The following LIMCH1 variants were observed in gnomAD, a reference collection of about 807,000 sequenced individuals.
LIMCH1 encodes the protein LIM and calponin homology domains-containing protein 1.
In LIMCH1, 113 loss-of-function variants were observed where a neutral mutation model predicts 176.5. That is an observed-to-expected ratio of 0.64 (90% CI 0.55 to 0.75). LIMCH1 has a LOEUF of 0.75. Among genes scored for constraint, LIMCH1 ranks in the 30% least tolerant of loss-of-function variants. LIMCH1 has a pLI of 0.00. For synonymous variants in LIMCH1, 619 were observed against 645.9 expected, an observed-to-expected ratio of 0.96 and a Z score of 0.63; for missense variants, 1,674 against 1,814.9, an observed-to-expected ratio of 0.92 and a Z score of 1.41.
chr4:41,492,399 A>G (rs886755615), intron 1 of LIMCH1, among the ~76,000 whole-genome samples: 26 of 148,116 alleles, frequency 1.8e-4, no homozygotes, highest in Admixed American at 1.7e-3. Flanking sequence ...AGACCGTAGA[A>G]AGAGGGAGAG....
At chr4:41,636,172 A>G (rs946776181) in intron 13 of LIMCH1, among the ~76,000 whole-genome samples, 5 of 151,132 alleles carry the variant, frequency 3.3e-5, no homozygotes, top group Non-Finnish European at 7.4e-5. Context: ...CAGCCTCCCA[A>G]GTGTTGGGAT....
At chr4:41,552,221 G>A (rs2080548175) in intron 1 of LIMCH1, among the ~76,000 whole-genome samples, 1 of 152,114 alleles carries the variant, frequency 6.6e-6, no homozygotes, top group Admixed American at 6.6e-5. Context: ...GGGATTGTGG[G>A]AGCTACAATT....
intron 1 of LIMCH1, among the ~76,000 whole-genome samples, chr4:41,596,540 A>T (rs537720765): frequency 2.4e-4 from 37 of 152,378 alleles, no homozygotes; most frequent in Non-Finnish European, 4.7e-4. Context: ...GAAAGATGTT[A>T]TATTTAAATT....
intron 17 of LIMCH1, among the ~76,000 whole-genome samples, chr4:41,647,720 T>C (rs2094124172): frequency 6.6e-6 from 1 of 152,252 alleles, no homozygotes; most frequent in South Asian, 2.1e-4. Context: ...TTTTCGTAAC[T>C]GATTGAGCAG....
chr4:41,692,413 G>T, intron 31 of LIMCH1, 29 bp downstream of exon 31: 1 of 1,391,388 alleles, frequency 7.2e-7, no homozygotes, highest in South Asian at 1.2e-5. Context: ...GCCTCATGAT[G>T]ACCGAGTGTA....
chr4:41,653,225 A>G (rs1326703607), intron 18 of LIMCH1, among the ~76,000 whole-genome samples: 1 of 152,042 alleles, frequency 6.6e-6, no homozygotes, highest in African/African-American at 2.4e-5. Flanking sequence ...TTATCCCAAG[A>G]GTCATTTTAA....
rs73137345 is a variant in LIMCH1 at position 41,658,688 on chromosome 4, C to T, written c.3037-2732C>T. 4.0e-3 allele frequency among the ~76,000 whole-genome samples: 607 copies of T among 152,236 alleles called. 3 individuals carry two copies. The highest frequency in any genetic ancestry group is 0.014 in the African/African-American group (571 of 41,550). On this transcript the variant is annotated intron_variant, in intron 18 of 31. Coordinates refer to ENST00000503057, the MANE Select transcript of LIMCH1 (RefSeq NM_001330672.2). ...AAAGTGCATCATATTTAACAGATGG[C>T]GTGTTTTCTTTCTTAGTAGTACCTA... is the stretch of plus-strand genomic sequence containing the variant.
intron 1 of LIMCH1, among the ~76,000 whole-genome samples, chr4:41,465,169 T>C (rs911698557): frequency 1.4e-4 from 22 of 152,220 alleles, no homozygotes; most frequent in African/African-American, 5.1e-4. Flanking sequence ...TGCTGGCGTC[T>C]ATTTTTTCAT....
intron 9 of LIMCH1, among the ~76,000 whole-genome samples, chr4:41,630,255 C>G (rs988771175): frequency 1.3e-5 from 2 of 152,066 alleles, no homozygotes; most frequent in African/African-American, 4.8e-5. Flanking sequence ...CATGAGCCAC[C>G]GTGCAAGCCC....
At chr4:41,623,235 G>A (rs1292439005) in intron 7 of LIMCH1, among the ~76,000 whole-genome samples, 2 of 152,132 alleles carry the variant, frequency 1.3e-5, no homozygotes, top group African/African-American at 2.4e-5. Context: ...GATATCTCTC[G>A]AGGCATTTTA....
chr4:41,405,920 C>T (rs565068003), intron 1 of LIMCH1, among the ~76,000 whole-genome samples: 10 of 152,122 alleles, frequency 6.6e-5, no homozygotes, highest in East Asian at 1.9e-4. Context: ...AAGGGAGACA[C>T]GACAATATGG....
intron 26 of LIMCH1, among the ~76,000 whole-genome samples, chr4:41,682,672 C>CTTTTTTTTT (rs1479823691): frequency 5.0e-5 from 7 of 139,932 alleles, no homozygotes; most frequent in Admixed American, 7.0e-5. Flanking sequence ...TTTTTTTCTT[C>CTTTTTTTTT]TTCTTCTTTT....
At chr4:41,671,048 C>A in intron 21 of LIMCH1, 3 of 894,554 alleles carry the variant, frequency 3.4e-6, no homozygotes, top group Non-Finnish European at 4.0e-6. Context: ...TCTTGAGAGT[C>A]CCCTGCCTTT....
intron 29 of LIMCH1, chr4:41,688,973 C>T (rs886323767): frequency 6.6e-6 from 1 of 152,508 alleles, no homozygotes; most frequent in Non-Finnish European, 1.5e-5. Flanking sequence ...TAGTTTATTA[C>T]ACCAGATCAG....
chr4:41,618,078 C>T (rs1447339460), intron 5 of LIMCH1, among the ~76,000 whole-genome samples: 2 of 152,182 alleles, frequency 1.3e-5, no homozygotes, highest in Non-Finnish European at 2.9e-5. Flanking sequence ...TAACACCAAC[C>T]TTCTCTGCCA....
intron 26 of LIMCH1, among the ~76,000 whole-genome samples, chr4:41,682,874 G>C (rs1268548588): frequency 6.6e-6 from 1 of 151,812 alleles, no homozygotes; most frequent in Non-Finnish European, 1.5e-5. Context: ...ATGGGGTTTC[G>C]TCATGTTGGT....
At chr4:41,501,481 A>G (rs997408120) in intron 2 of LIMCH1, among the ~76,000 whole-genome samples, 1 of 152,244 alleles carries the variant, frequency 6.6e-6, no homozygotes, top group Admixed American at 6.5e-5. Context: ...TCAAGAATTG[A>G]TAAGCCTTGT....
intron 4 of LIMCH1, among the ~76,000 whole-genome samples, chr4:41,611,248 A>G (rs2091378362): frequency 6.6e-6 from 1 of 152,244 alleles, no homozygotes; most frequent in African/African-American, 2.4e-5. Context: ...GCATAGGAAC[A>G]ATGAGCTGTA....
At chr4:41,652,118 GGT>G (rs1380108278) in intron 18 of LIMCH1, among the ~76,000 whole-genome samples, 1 of 152,182 alleles carries the variant, frequency 6.6e-6, no homozygotes, top group East Asian at 1.9e-4. Flanking sequence ...AGAAAGGTTT[GGT>G]GTGAAAGGAA....
Sources: gnomAD v4.1 joint callset for allele counts (sites outside exome capture counted in the v4.1 genomes callset) on GRCh38, gnomAD v4.1.1 for gene constraint, MANE v1.5 for transcripts, NCBI Gene and HGNC (gene_info 2026-07-23, HGNC 2026-07-21) for gene names.